Variants in ASIC2 observed in about 807,000 individuals in gnomAD.
The protein encoded by ASIC2 is acid sensing ion channel subunit 2, also known as acid-sensing ion channel 2.
A neutral mutation model predicts 57.3 loss-of-function variants in ASIC2; 25 were observed. The observed-to-expected ratio is 0.44, with a 90% CI of 0.32 to 0.61. ASIC2 has a LOEUF of 0.61. Ranked by LOEUF, ASIC2 falls within the 20% of genes least tolerant of loss-of-function variation. ASIC2 has a pLI of 0.06. For synonymous variants in ASIC2, 319 were observed against 307.5 expected, an observed-to-expected ratio of 1.04 and a Z score of -0.39; for missense variants, 641 against 738.1, an observed-to-expected ratio of 0.87 and a Z score of 1.52.
chr17:33,656,308 A>T (rs1907073866), intron 1 of ASIC2, among the ~76,000 whole-genome samples: 1 of 152,148 alleles, frequency 6.6e-6, no homozygotes, highest in South Asian at 2.1e-4. Context: ...TTGACACCAG[A>T]CTTTTTATAA....
intron 1 of ASIC2, among the ~76,000 whole-genome samples, chr17:33,250,895 T>C (rs1908858914): frequency 6.6e-6 from 1 of 152,240 alleles, no homozygotes. Flanking sequence ...CGGCATTAGA[T>C]GGCTTGATGC....
chr17:33,510,578 G>A (rs1321354668), intron 1 of ASIC2, among the ~76,000 whole-genome samples: 5 of 152,152 alleles, frequency 3.3e-5, no homozygotes, highest in African/African-American at 1.2e-4. Flanking sequence ...TCTGCAGTGA[G>A]TTGTGATGGT....
At chr17:33,027,405 A>G (rs574171874) in intron 4 of ASIC2, among the ~76,000 whole-genome samples, 1 of 152,384 alleles carries the variant, frequency 6.6e-6, no homozygotes, top group African/African-American at 2.4e-5. Flanking sequence ...ATGAAATAAC[A>G]GCTACTAAAT....
Position 34,082,443 on chromosome 17 carries a change from G to GA in ASIC2, c.555+73534dup, listed in dbSNP as rs375746248. 1.8e-4 allele frequency among the ~76,000 whole-genome samples: 28 copies of GA among 152,132 alleles called. No homozygotes were observed. In the South Asian group the frequency reaches 2.3e-3, roughly 12 times the overall value. The stretch of plus-strand genomic sequence containing the variant: ...TTTAGTAAAATAAAAGTTACAAAGG[G>GA]AAAAAAATCTCATACAAAAGCATTG... On this transcript the variant is annotated intron_variant, in intron 1 of 9. Coordinates refer to the ASIC2 transcript ENST00000359872.
intron 1 of ASIC2, among the ~76,000 whole-genome samples, chr17:33,847,721 T>C (rs2141913146): frequency 6.6e-6 from 1 of 152,230 alleles, no homozygotes; most frequent in Admixed American, 6.5e-5. Flanking sequence ...TCAAAGATAG[T>C]CTAGAGGAAG....
chr17:34,029,441 GCC>G (rs1907508193), intron 1 of ASIC2, among the ~76,000 whole-genome samples: 1 of 150,982 alleles, frequency 6.6e-6, no homozygotes, highest in African/African-American at 2.4e-5. Context: ...AGTGGGTACA[GCC>G]CTTCATAGTT....
chr17:33,673,189 G>A (rs912405290), intron 1 of ASIC2, among the ~76,000 whole-genome samples: 1 of 152,304 alleles, frequency 6.6e-6, no homozygotes, highest in African/African-American at 2.4e-5. Context: ...GTTGAAGGGA[G>A]AGAAACTGAG....
chr17:33,306,175 A>T (rs1208460608), intron 1 of ASIC2, among the ~76,000 whole-genome samples: 1 of 152,234 alleles, frequency 6.6e-6, no homozygotes, highest in African/African-American at 2.4e-5. Context: ...TTGAGAAAAC[A>T]GTTCTAACGT....
At chr17:34,102,087 A>G (rs1276440612) in intron 1 of ASIC2, among the ~76,000 whole-genome samples, 1 of 152,218 alleles carries the variant, frequency 6.6e-6, no homozygotes, top group Non-Finnish European at 1.5e-5. Context: ...AGGCAGGTGG[A>G]TCACTGAGGT....
At chr17:34,113,019 G>A (rs1911322378) in intron 1 of ASIC2, among the ~76,000 whole-genome samples, 1 of 152,092 alleles carries the variant, frequency 6.6e-6, no homozygotes, top group Middle Eastern at 3.2e-3. Context: ...TTCATCAGGG[G>A]CTAAGCAAGC....
chr17:33,412,061 C>CAA (rs200348017), intron 1 of ASIC2, among the ~76,000 whole-genome samples: 1 of 152,130 alleles, frequency 6.6e-6, no homozygotes, highest in African/African-American at 2.4e-5. Flanking sequence ...CAAAAACACA[C>CAA]AAAAAACAAA....
chr17:33,598,437 T>C (rs1905039681), intron 1 of ASIC2, among the ~76,000 whole-genome samples: 1 of 152,204 alleles, frequency 6.6e-6, no homozygotes, highest in Non-Finnish European at 1.5e-5. Flanking sequence ...TGAGCTTCTT[T>C]CTGCATGTCA....
At chr17:33,465,543 T>G (rs1912835961) in intron 1 of ASIC2, among the ~76,000 whole-genome samples, 1 of 151,944 alleles carries the variant, frequency 6.6e-6, no homozygotes, top group African/African-American at 2.4e-5. Flanking sequence ...CCAGGTGAAT[T>G]TTGTATTTTT....
chr17:33,989,704 T>C (rs1905943419), intron 1 of ASIC2, among the ~76,000 whole-genome samples: 2 of 152,206 alleles, frequency 1.3e-5, no homozygotes, highest in Admixed American at 6.5e-5. Context: ...AATGACACTG[T>C]TGTTTTTTTT....
chr17:33,906,041 T>A (rs1046780901), intron 1 of ASIC2, among the ~76,000 whole-genome samples: 1 of 142,036 alleles, frequency 7.0e-6, no homozygotes, highest in African/African-American at 2.6e-5. Flanking sequence ...TAGAGACAAG[T>A]TCTCATTACA....
At chr17:34,010,736 C>T (rs139359782) in intron 1 of ASIC2, among the ~76,000 whole-genome samples, 70 of 151,664 alleles carry the variant, frequency 4.6e-4, no homozygotes, top group Non-Finnish European at 9.0e-4. Flanking sequence ...TACAGAGAAA[C>T]ACCCATACAA....
At chr17:33,144,304 C>A (rs1274431279) in intron 1 of ASIC2, among the ~76,000 whole-genome samples, 2 of 151,578 alleles carry the variant, frequency 1.3e-5, no homozygotes, top group Non-Finnish European at 2.9e-5. Flanking sequence ...GAAGAGGGGG[C>A]CCATGGTGAG....
At chr17:33,233,514 TCACACACACACACA>T (rs36203893) in intron 1 of ASIC2, among the ~76,000 whole-genome samples, 63,611 of 146,934 alleles carry the variant, frequency 0.43, 14,353 homozygotes, top group Non-Finnish European at 0.51. Flanking sequence ...AATTGGAAAT[TCACACACACACACA>T]CACACACACA....
chr17:33,035,074 C>T (rs2091903337), intron 3 of ASIC2, among the ~76,000 whole-genome samples: 1 of 152,062 alleles, frequency 6.6e-6, no homozygotes, highest in Non-Finnish European at 1.5e-5. Context: ...TCAAGTTTGG[C>T]ATTCATTTAT....
Sources: allele counts gnomAD v4.1 joint callset (sites outside exome capture counted in the v4.1 genomes callset), GRCh38; gene constraint gnomAD v4.1.1; transcripts MANE v1.5; gene names NCBI Gene and HGNC (gene_info 2026-07-23, HGNC 2026-07-21).